Variants in ITFG1 observed in about 807,000 individuals in gnomAD.
The protein encoded by ITFG1 is integrin alpha FG-GAP repeat containing 1.
In ITFG1, 34 loss-of-function variants were observed where a neutral mutation model predicts 81.8. The ratio of observed to expected loss-of-function variants is 0.42; its 90% confidence interval spans 0.32 to 0.55. The LOEUF is 0.55. ITFG1 is among the 20% of genes least tolerant of loss of function. The probability of loss-of-function intolerance (pLI) is 0.17; values close to 1 mark genes in which losing one functional copy is unlikely to be tolerated. For missense variants in ITFG1, 672 were observed against 755.4 expected (o/e 0.89, Z 1.29); for synonymous variants, 285 against 270.6 (o/e 1.05, Z -0.52).
chr16:47,371,202 G>A (rs552222866), intron 7 of ITFG1, among the ~76,000 whole-genome samples: 8 of 152,290 alleles, frequency 5.3e-5, no homozygotes, highest in South Asian at 2.1e-4. Context: ...AGCTCAACTC[G>A]CAGCTCCACT....
At chr16:47,424,662 T>C (rs1968996167) in intron 6 of ITFG1, among the ~76,000 whole-genome samples, 1 of 152,180 alleles carries the variant, frequency 6.6e-6, no homozygotes. Flanking sequence ...CCTTTCTGTT[T>C]GTTAGTTTTC....
intron 8 of ITFG1, among the ~76,000 whole-genome samples, chr16:47,320,957 G>C (rs908825375): frequency 2.6e-5 from 4 of 152,104 alleles, no homozygotes; most frequent in Admixed American, 6.5e-5. Context: ...TTGCTCCATA[G>C]ATGGTGAAAA....
At chr16:47,184,251 A>T (rs925830665) in intron 14 of ITFG1, among the ~76,000 whole-genome samples, 1 of 152,194 alleles carries the variant, frequency 6.6e-6, no homozygotes, top group Non-Finnish European at 1.5e-5. Context: ...AGGAAGGCCA[A>T]CATTCAGGTT....
chr16:47,216,651 T>C (rs747728170), intron 14 of ITFG1, among the ~76,000 whole-genome samples: 2 of 152,004 alleles, frequency 1.3e-5, no homozygotes, highest in African/African-American at 2.4e-5. Flanking sequence ...ATTATTTTAT[T>C]ATTTTATTAT....
At chr16:47,161,138 A>C (rs1291424513) in intron 16 of ITFG1, among the ~76,000 whole-genome samples, 1 of 152,232 alleles carries the variant, frequency 6.6e-6, no homozygotes, top group Non-Finnish European at 1.5e-5. Context: ...AAAATGAATA[A>C]AATTTAAGGA....
At chr16:47,334,763 C>A (rs1319902176) in intron 8 of ITFG1, among the ~76,000 whole-genome samples, 1 of 152,086 alleles carries the variant, frequency 6.6e-6, no homozygotes, top group African/African-American at 2.4e-5. Context: ...AGACAGGTCC[C>A]ATTTTATGAT....
intron 8 of ITFG1, 41 bp from the exon 9 acceptor site, chr16:47,313,864 A>G: frequency 8.5e-7 from 1 of 1,178,614 alleles, no homozygotes. Context: ...TAGTCACAAA[A>G]TAAAGTGTTC....
rs181643637 is a variant in ITFG1 at position 47,305,983 on chromosome 16, C to T, written c.1070+5257G>A. Among the ~76,000 whole-genome samples, 14 of 152,192 alleles carry T rather than the reference C, an allele frequency of 9.2e-5. No individual in the cohort carries two copies. In the East Asian group the frequency reaches 1.5e-3, roughly 17 times the overall value. Reference sequence around the variant, plus strand: ...AGTGTAAATAACTGTAGCAACAAAACGTGAAAATCATTCCATCAATTGATA... The same window carrying T: ...AGTGTAAATAACTGTAGCAACAAAATGTGAAAATCATTCCATCAATTGATA... On this transcript the variant is annotated intron_variant, in intron 10 of 17. Transcript: ENST00000320640.
intron 10 of ITFG1, among the ~76,000 whole-genome samples, chr16:47,305,608 TAAAGTACAAATCCAGTATCTTAG>T (rs1483098131): frequency 6.6e-6 from 1 of 152,162 alleles, no homozygotes; most frequent in Non-Finnish European, 1.5e-5. Flanking sequence ...CTACTATGGA[TAAAGTACAAATCCAGTATCTTAG>T]AAAGAACATA....
intron 10 of ITFG1, 39 bp downstream of exon 10, chr16:47,311,201 T>A: frequency 1.4e-6 from 2 of 1,472,880 alleles, no homozygotes; most frequent in Non-Finnish European, 1.9e-6. Context: ...ATTTCTCACA[T>A]AGTTTACAAA....
intron 6 of ITFG1, among the ~76,000 whole-genome samples, chr16:47,418,908 G>A (rs770959225): frequency 7.2e-5 from 11 of 152,048 alleles, no homozygotes; most frequent in Non-Finnish European, 1.0e-4. Flanking sequence ...TTTTAGGATT[G>A]TTTTTCCTAT....
intron 8 of ITFG1, among the ~76,000 whole-genome samples, chr16:47,364,940 A>G (rs1968155544): frequency 6.6e-6 from 1 of 152,242 alleles, no homozygotes; most frequent in South Asian, 2.1e-4. Flanking sequence ...AGTCCTACCA[A>G]GTAGCTCGGG....
At chr16:47,319,394 T>C (rs1967414142) in intron 8 of ITFG1, among the ~76,000 whole-genome samples, 4 of 152,222 alleles carry the variant, frequency 2.6e-5, no homozygotes, top group Admixed American at 2.6e-4. Context: ...GTCCATCAAC[T>C]ACCGAAGCTG....
At chr16:47,188,376 A>C (rs1481741287) in intron 14 of ITFG1, among the ~76,000 whole-genome samples, 2 of 151,790 alleles carry the variant, frequency 1.3e-5, no homozygotes, top group Non-Finnish European at 2.9e-5. Context: ...ATGTCCAACA[A>C]TGATAGACTG....
intron 10 of ITFG1, among the ~76,000 whole-genome samples, chr16:47,309,330 A>C (rs1429288237): frequency 2.0e-5 from 3 of 152,132 alleles, no homozygotes; most frequent in Non-Finnish European, 4.4e-5. Context: ...TCGGCCTCCC[A>C]AAGTGCTGGG....
intron 11 of ITFG1, 26 bp from the exon 12 acceptor site, chr16:47,258,766 A>G (rs779927487): frequency 9.0e-7 from 1 of 1,112,830 alleles, no homozygotes; most frequent in Admixed American, 2.5e-5. Flanking sequence ...CAAAAATGGT[A>G]AGAACAAACT....
chr16:47,325,681 G>A (rs1323691619), intron 8 of ITFG1, among the ~76,000 whole-genome samples: 2 of 152,144 alleles, frequency 1.3e-5, no homozygotes, highest in Non-Finnish European at 1.5e-5. Flanking sequence ...TACCATCAGA[G>A]AATACTATAA....
chr16:47,405,402 A>T (rs890013030), intron 6 of ITFG1, among the ~76,000 whole-genome samples: 1 of 152,206 alleles, frequency 6.6e-6, no homozygotes, highest in African/African-American at 2.4e-5. Flanking sequence ...TATGAATAGA[A>T]CATTTTATTT....
At chr16:47,214,960 A>ACG (rs1491266116) in intron 14 of ITFG1, among the ~76,000 whole-genome samples, 1 of 147,654 alleles carries the variant, frequency 6.8e-6, no homozygotes, top group Non-Finnish European at 1.5e-5. Context: ...ACACACACAC[A>ACG]CGCACGCACA....
Sources: allele counts gnomAD v4.1 joint callset (sites outside exome capture counted in the v4.1 genomes callset), GRCh38; gene constraint gnomAD v4.1.1; transcripts MANE v1.5; gene names NCBI Gene and HGNC (gene_info 2026-07-23, HGNC 2026-07-21).